Variants in PARD6G observed in about 807,000 individuals in gnomAD.
PARD6G encodes the protein partitioning defective 6 homolog gamma.
Under a neutral mutation model 10.7 loss-of-function variants are expected in PARD6G, and 7 were observed. The ratio of observed to expected loss-of-function variants is 0.66; its 90% CI spans 0.37 to 1.23. The LOEUF is 1.23. Ranked by LOEUF, PARD6G falls within the 50% of genes most tolerant of loss-of-function variation. The probability of loss-of-function intolerance (pLI) is 0.02; values close to 1 mark genes in which losing one functional copy is unlikely to be tolerated. For synonymous variants in PARD6G, 287 were observed against 269.4 expected, an observed-to-expected ratio of 1.07 and a Z score of -0.64; for missense variants, 548 against 571.8, an observed-to-expected ratio of 0.96 and a Z score of 0.42.
chr18:80,213,735 G>A (rs762908136), intron 1 of PARD6G, among the ~76,000 whole-genome samples: 1 of 152,084 alleles, frequency 6.6e-6, no homozygotes, highest in Non-Finnish European at 1.5e-5. Flanking sequence ...GAGGAGGGCG[G>A]ATCATGAGGT....
At position 80,161,157 on chromosome 18, in the gene PARD6G, C is replaced by A. The variant is rs183052131; in HGVS notation, c.296-551G>T. On this transcript the variant is annotated intron_variant, in intron 2 of 2. Coordinates refer to ENST00000353265, the MANE Select transcript of PARD6G (RefSeq NM_032510.4). The surrounding 1 kb of genome is among the most constrained non-coding windows in gnomAD (Gnocchi z 4.6). ...CACTCAGTCGGGCGTGTGAGCATTT[C>A]CCTGCGTTTTTGGTTAGCAGCTGAT... Among the ~76,000 whole-genome samples the A allele has an allele frequency of 6.6e-6, 1 of 152,256 alleles. No individual in the cohort carries two copies. Among genetic ancestry groups the A allele is most frequent in the East Asian group, 1.9e-4 (1 of 5,182 alleles).
chr18:80,211,447 T>A (rs1967106975), intron 1 of PARD6G, among the ~76,000 whole-genome samples: 1 of 152,240 alleles, frequency 6.6e-6, no homozygotes, highest in South Asian at 2.1e-4. Flanking sequence ...TTGGAATCCT[T>A]GTGCACGACT....
At chr18:80,214,284 CCT>C (rs1252520153) in intron 1 of PARD6G, among the ~76,000 whole-genome samples, 1 of 151,952 alleles carries the variant, frequency 6.6e-6, no homozygotes, top group East Asian at 1.9e-4. Flanking sequence ...GTGGTGAAAC[CCT>C]GTCTCTACTA....
At chr18:80,196,585 C>A (rs1966957965) in intron 2 of PARD6G, among the ~76,000 whole-genome samples, 1 of 152,146 alleles carries the variant, frequency 6.6e-6, no homozygotes, top group African/African-American at 2.4e-5. Context: ...TTTGCTGGGA[C>A]TACAGGAGAA....
intron 2 of PARD6G, among the ~76,000 whole-genome samples, chr18:80,187,398 G>A (rs146746444): frequency 6.6e-6 from 1 of 152,286 alleles, no homozygotes; most frequent in African/African-American, 2.4e-5. Context: ...CACACGAGGC[G>A]TGTGTGTGAG....
chr18:80,235,452 G>C (rs932745448), intron 1 of PARD6G, among the ~76,000 whole-genome samples: 2 of 152,148 alleles, frequency 1.3e-5, no homozygotes, highest in African/African-American at 4.8e-5. Context: ...AAAAGAACTA[G>C]AGAAGCAAGA....
intron 1 of PARD6G, among the ~76,000 whole-genome samples, chr18:80,235,779 C>T (rs1967415118): frequency 6.6e-6 from 1 of 152,174 alleles, no homozygotes; most frequent in Admixed American, 6.5e-5. Flanking sequence ...TCGACACATA[C>T]ACCCTCCCAA....
chr18:80,207,435 G>C (rs1037735753), intron 1 of PARD6G, among the ~76,000 whole-genome samples: 3 of 151,828 alleles, frequency 2.0e-5, no homozygotes, highest in African/African-American at 7.3e-5. Flanking sequence ...TATTTGGATG[G>C]CTAGTGATTA....
chr18:80,232,273 A>T (rs563100980), intron 1 of PARD6G, among the ~76,000 whole-genome samples: 12 of 152,154 alleles, frequency 7.9e-5, no homozygotes, highest in Admixed American at 1.3e-4. Flanking sequence ...TCTGACCTCC[A>T]CTGCAGAAAG....
chr18:80,198,591 G>C (rs1966979078), intron 2 of PARD6G, among the ~76,000 whole-genome samples: 1 of 152,234 alleles, frequency 6.6e-6, no homozygotes, highest in Non-Finnish European at 1.5e-5. Flanking sequence ...CAGGGAGACA[G>C]CTGGGGATGC....
At chr18:80,208,225 C>T (rs919148849) in intron 1 of PARD6G, among the ~76,000 whole-genome samples, 3 of 152,124 alleles carry the variant, frequency 2.0e-5, no homozygotes, top group African/African-American at 7.2e-5. Flanking sequence ...TAAATTACAT[C>T]CTTTGCAAAC....
At chr18:80,213,764 C>T (rs1206213994) in intron 1 of PARD6G, among the ~76,000 whole-genome samples, 1 of 151,478 alleles carries the variant, frequency 6.6e-6, no homozygotes, top group Non-Finnish European at 1.5e-5. Context: ...CGAGACCATC[C>T]TGGCTAACAC....
chr18:80,183,064 T>G lies in PARD6G; in HGVS notation c.295+19646A>C. The G allele has an allele frequency of 1.4e-6, 1 of 702,544 alleles. No homozygotes were observed. Among genetic ancestry groups the G allele is most frequent in the East Asian group, 2.7e-5 (1 of 37,286 alleles). 43.5% of individuals were successfully genotyped at this position (702,544 alleles called of 1,614,324 possible). On this transcript the variant is annotated intron_variant, in intron 2 of 2. Coordinates refer to ENST00000353265, the MANE Select transcript of PARD6G (RefSeq NM_032510.4). The surrounding 1 kb of genome is among the most constrained non-coding windows in gnomAD (Gnocchi z 4.5). ...GGGCCATCCATTCTCTACCATGGCA[T>G]GCCGACAACAGGGGCACAGAGAAGT... is the stretch of plus-strand genomic sequence containing the variant.
rs1216275296 is a variant in PARD6G, at chr18:80,246,203, A to C, written c.72+1074T>G. Reference sequence around the variant, plus strand: ...CACAACTCTGAGAACCGGGGTGCGAAGAAAGAAAGGGCGAAAGGGCCGCTC... The same window carrying C: ...CACAACTCTGAGAACCGGGGTGCGACGAAAGAAAGGGCGAAAGGGCCGCTC... On this transcript the variant is annotated intron_variant, in intron 1 of 2. Coordinates refer to ENST00000353265, the MANE Select transcript of PARD6G (RefSeq NM_032510.4). The surrounding 1 kb of genome is among the most constrained non-coding windows in gnomAD (Gnocchi z 6.7). 6.6e-6 allele frequency among the ~76,000 whole-genome samples: 1 copy of C among 152,134 alleles called. No homozygotes were observed. Among genetic ancestry groups the C allele is most frequent in the African/African-American group, 2.4e-5 (1 of 41,420 alleles).
chr18:80,241,545 T>C (rs1387124068), intron 1 of PARD6G, among the ~76,000 whole-genome samples: 1 of 152,160 alleles, frequency 6.6e-6, no homozygotes, highest in Non-Finnish European at 1.5e-5. Flanking sequence ...TTTAGGATGG[T>C]CCCTGGCACA....
chr18:80,217,462 G>A (rs540706293), intron 1 of PARD6G, among the ~76,000 whole-genome samples: 32 of 152,208 alleles, frequency 2.1e-4, no homozygotes, highest in African/African-American at 4.6e-4. Flanking sequence ...GGGAGAAACC[G>A]GGCAAACACT....
intron 1 of PARD6G, among the ~76,000 whole-genome samples, chr18:80,208,869 C>T (rs1599865145): frequency 6.6e-6 from 1 of 152,154 alleles, no homozygotes; most frequent in East Asian, 1.9e-4. Context: ...GTAATCTCAG[C>T]ACTTTGGGAG....
chr18:80,235,944 C>A (rs866239569), intron 1 of PARD6G, among the ~76,000 whole-genome samples: 1 of 152,180 alleles, frequency 6.6e-6, no homozygotes, highest in Non-Finnish European at 1.5e-5. Context: ...TGGTACCATT[C>A]CTTCTGAAAC....
At chr18:80,199,017 T>C (rs1966983824) in intron 2 of PARD6G, among the ~76,000 whole-genome samples, 1 of 152,168 alleles carries the variant, frequency 6.6e-6, no homozygotes, top group Admixed American at 6.5e-5. Context: ...TCCCTCCCAA[T>C]TCTCCCCACC....
Sources: allele counts gnomAD v4.1 joint callset (sites outside exome capture counted in the v4.1 genomes callset), GRCh38; gene constraint gnomAD v4.1.1; non-coding constraint Gnocchi (gnomAD v3.1); transcripts MANE v1.5; gene names NCBI Gene and HGNC (gene_info 2026-07-23, HGNC 2026-07-21).